Variants in SART3 observed in about 807,000 individuals in gnomAD.
SART3 encodes the protein spliceosome associated factor 3, U4/U6 recycling protein.
A neutral mutation model predicts 122.3 loss-of-function variants in SART3; 44 were observed. The observed-to-expected ratio is 0.36, with a 90% CI of 0.28 to 0.46. SART3 has a LOEUF of 0.46. Ranked by LOEUF, SART3 falls within the 20% of genes least tolerant of loss-of-function variation. The probability of loss-of-function intolerance (pLI) is 1.00; values close to 1 mark genes in which losing one functional copy is unlikely to be tolerated. For missense variants in SART3, 1,101 were observed against 1,229.0 expected, an observed-to-expected ratio of 0.90 and a Z score of 1.56; for synonymous variants, 442 against 454.0, an observed-to-expected ratio of 0.97 and a Z score of 0.34.
chr12:108,526,249 G>T lies in SART3; in HGVS notation c.2220C>A (p.Ser740Arg). ...AGTAACCTCGGAAATCCCCACGGTT[G>T]CTGAAGATGGGTCGGATCTGGACCA... is the stretch of plus-strand genomic sequence containing the variant. Reference protein sequence around the residue: ...GEVVQIRPIFSNRGDFRGYCY... With the variant: ...GEVVQIRPIFRNRGDFRGYCY... Residue 740 changes from serine to arginine, a missense_variant, in exon 16 of 19, where the codon AGC becomes AGA. This residue lies in a region of SART3 where 885 missense variants were observed against 1,080.1 expected (regional missense o/e 0.82). Coordinates refer to ENST00000546815, the MANE Select transcript of SART3 (RefSeq NM_014706.4). The T allele has an allele frequency of 6.2e-7, 1 of 1,614,230 alleles. No homozygotes were observed.
rs1271917092 is a variant in SART3, at chr12:108,545,169, C to A, written c.699G>T (p.Glu233Asp). The A allele has an allele frequency of 1.5e-5, 24 of 1,614,024 alleles. No individual in the cohort carries two copies. The highest frequency in any genetic ancestry group is 1.9e-5 in the Non-Finnish European group (22 of 1,180,040). ...KGLALWEAYR[E>D]FESAIVEAAR... ...CAGCTTCCACAATCGCACTTTCAAACTCTCGGTAAGCCTCCCAGAGGGCGA... is the reference window on the plus strand; with the variant it reads ...CAGCTTCCACAATCGCACTTTCAAAATCTCGGTAAGCCTCCCAGAGGGCGA... Residue 233 changes from glutamate (E) to aspartate (D), a missense_variant, in exon 4 of 19, where the codon GAG becomes GAT. By Grantham distance (45) the Glu-to-Asp change is conservative. Coordinates refer to ENST00000546815, the MANE Select transcript of SART3 (RefSeq NM_014706.4).
At chr12:108,556,855 T>A (rs1181530403) in intron 1 of SART3, among the ~76,000 whole-genome samples, 14 of 152,256 alleles carry the variant, frequency 9.2e-5, no homozygotes, top group Non-Finnish European at 1.0e-4. Flanking sequence ...CAATAGAGTG[T>A]GCTTGCGGAG....
chr12:108,545,418 C>A, intron 3 of SART3, 95 bp from the exon 4 acceptor site: 1 of 1,158,280 alleles, frequency 8.6e-7, no homozygotes, highest in Non-Finnish European at 1.3e-6. Context: ...CAAAAAAGTA[C>A]TCAGACAGCA....
At chr12:108,555,634 C>A (rs2030188855) in intron 1 of SART3, among the ~76,000 whole-genome samples, 1 of 152,200 alleles carries the variant, frequency 6.6e-6, no homozygotes, top group East Asian at 1.9e-4. Flanking sequence ...CACTGTACTC[C>A]AGCCTGGGAA....
chr12:108,535,529 C>A, intron 11 of SART3, 61 bp from the exon 12 acceptor site: 15 of 1,282,092 alleles, frequency 1.2e-5, no homozygotes, highest in Non-Finnish European at 1.7e-5. Context: ...ACCCATCATA[C>A]AACACACTTC....
intron 15 of SART3, among the ~76,000 whole-genome samples, chr12:108,528,663 T>C (rs1872512181): frequency 6.6e-6 from 1 of 151,900 alleles, no homozygotes; most frequent in African/African-American, 2.4e-5. Flanking sequence ...AGGGTGTCCA[T>C]GCAGGGCCGT....
intron 1 of SART3, chr12:108,560,438 C>T (rs546842841): frequency 3.8e-5 from 12 of 318,378 alleles, no homozygotes; most frequent in African/African-American, 2.5e-4. Context: ...GCCGTCATTC[C>T]TACATAACAA....
chr12:108,544,257 T>G (rs530689831), intron 5 of SART3, among the ~76,000 whole-genome samples, 170 bp downstream of exon 5: 183 of 152,200 alleles, frequency 1.2e-3, no homozygotes, highest in Admixed American at 2.6e-3. Flanking sequence ...GCACTAACAT[T>G]CAAGATGTTT....
chr12:108,557,848 C>T (rs1420213704), intron 1 of SART3, among the ~76,000 whole-genome samples: 1 of 152,174 alleles, frequency 6.6e-6, no homozygotes, highest in Non-Finnish European at 1.5e-5. Flanking sequence ...ACAGATACCA[C>T]AGCAAACTGC....
intron 1 of SART3, among the ~76,000 whole-genome samples, chr12:108,550,391 G>A (rs1033254421): frequency 6.6e-6 from 1 of 152,104 alleles, no homozygotes; most frequent in Non-Finnish European, 1.5e-5. Context: ...AAGAACTTCT[G>A]ATACCCAACA....
At chr12:108,544,715 G>A (rs946591143) in intron 4 of SART3, 5 of 630,332 alleles carry the variant, frequency 7.9e-6, no homozygotes, top group South Asian at 3.7e-5. Flanking sequence ...ACAGGCATAC[G>A]CCATCATGCC....
At chr12:108,547,116 A>G (rs1018978585) in intron 3 of SART3, among the ~76,000 whole-genome samples, 5 of 152,234 alleles carry the variant, frequency 3.3e-5, no homozygotes, top group African/African-American at 1.2e-4. Context: ...CACCACACCC[A>G]GCCTTAAAAC....
At chr12:108,547,607 A>G (rs576885867) in intron 3 of SART3, among the ~76,000 whole-genome samples, 18 of 152,328 alleles carry the variant, frequency 1.2e-4, no homozygotes, top group African/African-American at 4.3e-4. Context: ...TGAATGTATA[A>G]AAGATCAGTG....
chr12:108,560,494 TGGTTA>T, intron 1 of SART3: 1 of 392,498 alleles, frequency 2.5e-6, no homozygotes, highest in South Asian at 1.2e-4. Context: ...GTTGGACGTG[TGGTTA>T]AGAGTGGGAG....
chr12:108,555,430 C>T (rs1004665032), intron 1 of SART3, among the ~76,000 whole-genome samples: 4 of 152,048 alleles, frequency 2.6e-5, no homozygotes, highest in Non-Finnish European at 5.9e-5. Flanking sequence ...TGTGGGAGGC[C>T]GAGGCAGGCA....
intron 1 of SART3, 133 bp downstream of exon 1, chr12:108,560,710 G>A (rs530904397): frequency 4.3e-6 from 3 of 697,674 alleles, no homozygotes; most frequent in Non-Finnish European, 7.0e-6. Context: ...TCCGACAGGA[G>A]CTACTGTCAC....
rs1336057147 is a variant in SART3, at chr12:108,531,283, TGAAA to T, written c.1670-7_1670-4del. On this transcript the variant is annotated splice_region_variant and splice_polypyrimidine_tract_variant and intron_variant, in intron 13 of 18. Coordinates refer to ENST00000546815, the MANE Select transcript of SART3 (RefSeq NM_014706.4). The stretch of plus-strand genomic sequence containing the variant: ...TATATCCCAATCTTCTAAAGAACCT[TGAAA>T]GAAAGAGAAGCAAAACTTTCACTCT... The T allele has an allele frequency of 1.9e-6, 3 of 1,612,718 alleles. No individual in the cohort carries two copies. The highest frequency in any genetic ancestry group is 2.7e-5 in the African/African-American group (2 of 74,910).
At position 108,561,073 on chromosome 12, in the gene SART3, C is replaced by T. The variant is rs578149175; in HGVS notation, c.82G>A (p.Glu28Lys). The change falls in exon 1 of 19, where the codon GAG becomes AAG. Residue 28 changes from glutamate (E) to lysine (K), a missense_variant. By Grantham distance (56) the Glu-to-Lys change is moderately conservative (BLOSUM62 1). This residue lies in a region of SART3 where 216 missense variants were observed against 148.9 expected (regional missense o/e 1.45). Transcript: ENST00000546815. ...AGPKADGEEDEVKAARTRRKV... is the reference protein window; with the variant it reads ...AGPKADGEEDKVKAARTRRKV... ...CTCCTTGTCCTAGCCGCCTTAACCT[C>T]ATCCTCCTCTCCGTCAGCCTTGGGC... 23 of 1,614,042 alleles carry T rather than the reference C, an allele frequency of 1.4e-5. No individual in the cohort carries two copies. The highest frequency in any genetic ancestry group is 1.9e-5 in the Non-Finnish European group (23 of 1,180,030).
rs139013658 is a variant in SART3, at chr12:108,526,260, G to A, written c.2209C>T (p.Pro737Ser). The A allele has an allele frequency of 1.9e-6, 3 of 1,614,080 alleles. No homozygotes were observed. Among genetic ancestry groups the A allele is most frequent in the African/African-American group, 1.3e-5 (1 of 74,924 alleles). ...AAATCCCCACGGTTGCTGAAGATGGGTCGGATCTGGACCACCTCCCCACAG... is the reference window on the plus strand; with the variant it reads ...AAATCCCCACGGTTGCTGAAGATGGATCGGATCTGGACCACCTCCCCACAG... ...EACGEVVQIR[P>S]IFSNRGDFRG... is the part of the protein sequence containing the mutation. The change falls in exon 16 of 19, where the codon CCC becomes TCC. Residue 737 changes from proline to serine, a missense_variant. Coordinates refer to ENST00000546815, the MANE Select transcript of SART3 (RefSeq NM_014706.4).
Sources: gnomAD v4.1 joint callset for allele counts (sites outside exome capture counted in the v4.1 genomes callset) on GRCh38, gnomAD v4.1.1 for gene constraint, gnomAD v4.1.1 regional missense constraint, MANE v1.5 for transcripts, NCBI Gene and HGNC (gene_info 2026-07-23, HGNC 2026-07-21) for gene names.